Variants in PDHX observed in about 807,000 individuals in gnomAD.
PDHX encodes pyruvate dehydrogenase protein X component, mitochondrial.
A neutral mutation model predicts 55.3 loss-of-function variants in PDHX; 33 were observed. That is an observed-to-expected ratio of 0.60 (90% CI 0.45 to 0.80). The LOEUF (loss-of-function observed/expected upper bound fraction) is 0.80. Among genes scored for constraint, PDHX ranks in the 30% least tolerant of loss-of-function variants. The probability of loss-of-function intolerance (pLI) is 0.00; values close to 1 mark genes in which losing one functional copy is unlikely to be tolerated. For missense variants in PDHX, 622 were observed against 619.9 expected (o/e 1.00, Z -0.04); for synonymous variants, 226 against 219.4 (o/e 1.03, Z -0.27).
chr11:34,949,949 T>C (rs1001792720), intron 3 of PDHX, among the ~76,000 whole-genome samples: 2 of 151,872 alleles, frequency 1.3e-5, no homozygotes, highest in Admixed American at 6.6e-5. Context: ...TTAAAACAAA[T>C]TTTTTTTAAA....
At chr11:34,968,319 A>T (rs1433550311) in intron 6 of PDHX, among the ~76,000 whole-genome samples, 1 of 151,766 alleles carries the variant, frequency 6.6e-6, no homozygotes, top group East Asian at 1.9e-4. Flanking sequence ...TCAAATTCTT[A>T]TGGTATGTAG....
chr11:34,975,464 T>A (rs1180502005), intron 7 of PDHX, among the ~76,000 whole-genome samples: 2 of 152,210 alleles, frequency 1.3e-5, no homozygotes, highest in East Asian at 3.8e-4. Flanking sequence ...GGATAATTTT[T>A]GTTTACCTAG....
Position 34,968,797 on chromosome 11 carries a change from GT to G in PDHX, c.817-1339del, listed in dbSNP as rs1383322045. ...CTTCAGTTACCTTTCATGATTTCTAGTTTAACTCCACTGTGTTTAGAGAATA... is the reference window on the plus strand; with the variant it reads ...CTTCAGTTACCTTTCATGATTTCTAGTTAACTCCACTGTGTTTAGAGAATA... On this transcript the variant is annotated intron_variant, in intron 6 of 10. Transcript: ENST00000227868. Among the ~76,000 whole-genome samples the G allele has an allele frequency of 2.0e-5, 3 of 152,030 alleles. No individual in the cohort carries two copies. In the East Asian group the frequency reaches 5.8e-4, roughly 29 times the overall value.
intron 8 of PDHX, among the ~76,000 whole-genome samples, chr11:34,978,575 G>A (rs986486464): frequency 2.0e-5 from 3 of 152,078 alleles, no homozygotes; most frequent in Admixed American, 6.6e-5. Flanking sequence ...AAAGGGAAGC[G>A]AGGGAAGCCC....
intron 5 of PDHX, among the ~76,000 whole-genome samples, chr11:34,963,307 C>A (rs1183279296): frequency 6.6e-6 from 1 of 152,168 alleles, no homozygotes; most frequent in African/African-American, 2.4e-5. Context: ...GAGACAGGCT[C>A]TCACTCTGTC....
intron 2 of PDHX, among the ~76,000 whole-genome samples, chr11:34,944,946 G>A (rs1041260580): frequency 1.1e-4 from 16 of 151,856 alleles, no homozygotes; most frequent in African/African-American, 3.9e-4. Context: ...GTGCATTTTT[G>A]TTTTTATCCT....
At chr11:34,933,596 C>T (rs1854229766) in intron 2 of PDHX, among the ~76,000 whole-genome samples, 1 of 152,194 alleles carries the variant, frequency 6.6e-6, no homozygotes, top group East Asian at 1.9e-4. Flanking sequence ...TTTCCCCTGG[C>T]AATGCCTGGA....
In PDHX at chr11:34,916,621, C is replaced by A. The variant is rs372814513; in HGVS notation, c.-35C>A. On this transcript the variant is annotated 5_prime_UTR_variant, in exon 1 of 11. In the 5' UTR this introduces an upstream ATG that the reference lacks. Coordinates refer to ENST00000227868, the MANE Select transcript of PDHX (RefSeq NM_003477.3). ...CGGGGCCTTGATGCTGGACATCAGG[C>A]TGTGCTGCGGGCAGCCAGTGAGAAG... The A allele has an allele frequency of 9.2e-5, 147 of 1,601,564 alleles. 2 individuals are homozygous for A. The highest frequency in any genetic ancestry group is 2.8e-4 in the South Asian group (25 of 90,796).
At chr11:34,971,887 T>C (rs1248814720) in intron 7 of PDHX, among the ~76,000 whole-genome samples, 2 of 152,154 alleles carry the variant, frequency 1.3e-5, no homozygotes, top group Non-Finnish European at 2.9e-5. Flanking sequence ...AGTGAATTTC[T>C]TTATGGGAAG....
chr11:34,981,772 T>A (rs1186356084), intron 8 of PDHX, among the ~76,000 whole-genome samples: 1 of 152,238 alleles, frequency 6.6e-6, no homozygotes. Flanking sequence ...CATTTTTTCA[T>A]GTGTCTTTTG....
intron 1 of PDHX, among the ~76,000 whole-genome samples, chr11:34,924,430 A>T (rs61446941): frequency 0.19 from 28,821 of 152,110 alleles, 3,908 homozygotes; most frequent in African/African-American, 0.39. Context: ...CATGTTGTCC[A>T]GGCTGGTCTT....
chr11:34,982,214 A>G (rs917057853), intron 8 of PDHX, among the ~76,000 whole-genome samples: 11 of 152,278 alleles, frequency 7.2e-5, no homozygotes, highest in South Asian at 2.1e-4. Context: ...TCAGCTTTCT[A>G]CATATGGCTA....
chr11:34,952,613 C>A (rs374008268), intron 3 of PDHX, among the ~76,000 whole-genome samples: 24 of 151,818 alleles, frequency 1.6e-4, no homozygotes, highest in African/African-American at 3.4e-4. Flanking sequence ...CAATAGATGC[C>A]GAAAAGGCCT....
At chr11:34,956,213 T>C (rs1189919580) in intron 3 of PDHX, among the ~76,000 whole-genome samples, 1 of 152,058 alleles carries the variant, frequency 6.6e-6, no homozygotes, top group Non-Finnish European at 1.5e-5. Flanking sequence ...TTCATATATA[T>C]ATATATGTAT....
At chr11:34,942,858 C>G (rs867592751) in intron 2 of PDHX, among the ~76,000 whole-genome samples, 10 of 152,084 alleles carry the variant, frequency 6.6e-5, no homozygotes, top group Admixed American at 1.3e-4. Context: ...TTCTCTTCTA[C>G]CCTCTCCCTT....
intron 7 of PDHX, among the ~76,000 whole-genome samples, chr11:34,975,250 T>C (rs922970716): frequency 3.9e-5 from 6 of 152,148 alleles, no homozygotes; most frequent in African/African-American, 1.4e-4. Flanking sequence ...ATTTACTGTT[T>C]GGGTTTCTCT....
At chr11:34,931,536 G>T (rs533332685) in intron 2 of PDHX, 52 bp downstream of exon 2, 134 of 877,400 alleles carry the variant, frequency 1.5e-4, no homozygotes, top group East Asian at 2.0e-4. Context: ...TGGTTATTTT[G>T]TTTTGTTTTT....
intron 2 of PDHX, among the ~76,000 whole-genome samples, chr11:34,933,756 T>A (rs1854234009): frequency 6.6e-6 from 1 of 152,080 alleles, no homozygotes; most frequent in Admixed American, 6.6e-5. Context: ...TAATATCTTG[T>A]CAGTTCAGAA....
At chr11:34,943,050 TATC>T (rs1022975243) in intron 2 of PDHX, among the ~76,000 whole-genome samples, 3 of 101,032 alleles carry the variant, frequency 3.0e-5, no homozygotes, top group African/African-American at 5.7e-5. Context: ...TTCGTGAAGT[TATC>T]ATGTTTTTTT....
Sources: allele counts gnomAD v4.1 joint callset (sites outside exome capture counted in the v4.1 genomes callset), GRCh38; gene constraint gnomAD v4.1.1; transcripts MANE v1.5; gene names NCBI Gene and HGNC (gene_info 2026-07-23, HGNC 2026-07-21).